ACTR3B: variants seen among roughly 807,000 people sequenced by gnomAD.
ACTR3B encodes the protein actin related protein 3B.
ACTR3B carries 8 observed loss-of-function variants against 59.0 expected under a neutral mutation model. That is an observed-to-expected ratio of 0.14 (90% confidence interval 0.08 to 0.24). ACTR3B has a LOEUF of 0.24. Among genes scored for constraint, ACTR3B ranks in the 10% least tolerant of loss-of-function variants. The pLI, the probability that ACTR3B is intolerant of heterozygous loss-of-function variation, is 1.00. For synonymous variants in ACTR3B, 148 were observed against 197.9 expected (o/e 0.75, Z 2.12); for missense variants, 245 against 552.3 (o/e 0.44, Z 5.58).
intron 9 of ACTR3B, among the ~76,000 whole-genome samples, chr7:152,837,064 T>C (rs10266909): frequency 0.062 from 9,365 of 150,434 alleles, no homozygotes; most frequent in South Asian, 0.15. Context: ...TAGTCTCAGC[T>C]ACTTGGGAGA....
chr7:152,768,406 A>G (rs1464226164), intron 1 of ACTR3B, among the ~76,000 whole-genome samples: 1 of 151,986 alleles, frequency 6.6e-6, no homozygotes, highest in Non-Finnish European at 1.5e-5. Flanking sequence ...TTTTAGTGGG[A>G]TAGTTCTGGT....
intron 1 of ACTR3B, among the ~76,000 whole-genome samples, chr7:152,771,059 G>A (rs2098122774): frequency 6.7e-6 from 1 of 150,364 alleles, no homozygotes; most frequent in Non-Finnish European, 1.5e-5. Context: ...TGCCTCCTGG[G>A]TTTAAGCCAT....
intron 3 of ACTR3B, 33 bp downstream of exon 3, chr7:152,800,688 T>C (rs1264622786): frequency 6.2e-7 from 1 of 1,609,236 alleles, no homozygotes; most frequent in African/African-American, 1.3e-5. Flanking sequence ...CTTCTCTAAG[T>C]GTAGAGTAGT....
At chr7:152,779,220 A>T (rs2098144028) in intron 1 of ACTR3B, among the ~76,000 whole-genome samples, 1 of 152,112 alleles carries the variant, frequency 6.6e-6, no homozygotes, top group Admixed American at 6.5e-5. Flanking sequence ...AAGAACACAG[A>T]TGCCCAGCCT....
intron 9 of ACTR3B, among the ~76,000 whole-genome samples, chr7:152,834,972 G>T (rs754946678): frequency 6.6e-6 from 1 of 152,154 alleles, no homozygotes; most frequent in East Asian, 1.9e-4. Context: ...ACTGCTGACC[G>T]CCAGAACGTC....
At chr7:152,789,084 AAG>A (rs2098185846) in intron 2 of ACTR3B, among the ~76,000 whole-genome samples, 1 of 149,170 alleles carries the variant, frequency 6.7e-6, no homozygotes, top group Admixed American at 6.7e-5. Flanking sequence ...AACAACAACA[AAG>A]CCCTTACACT....
chr7:152,852,311 C>T, intron 10 of ACTR3B, 60 bp downstream of exon 10: 5 of 1,536,356 alleles, frequency 3.3e-6, no homozygotes, highest in Non-Finnish European at 4.4e-6. Context: ...TGACCGGGGC[C>T]CTCCTGACAC....
In ACTR3B at chr7:152,816,519, A is replaced by T; in HGVS notation, c.471A>T (p.Gln157His). Residue 157 changes from glutamine (Q) to histidine (H), a missense_variant, in exon 6 of 12, where the codon CAA becomes CAT. Coordinates refer to ENST00000256001, the MANE Select transcript of ACTR3B (RefSeq NM_020445.6). ...LALAASWTSR[Q>H]VGERTLTGIV... ...TGGCGGCATCTTGGACATCTCGACA[A>T]GTGGGTGAACGTACGTTAACGGGGA... The T allele has an allele frequency of 6.2e-7, 1 of 1,606,706 alleles. No homozygotes were observed. The highest frequency in any genetic ancestry group is 8.5e-7 in the Non-Finnish European group (1 of 1,176,182).
chr7:152,841,939 G>T (rs1449716550), intron 9 of ACTR3B, among the ~76,000 whole-genome samples: 2 of 152,174 alleles, frequency 1.3e-5, no homozygotes, highest in Non-Finnish European at 2.9e-5. Context: ...TAAATGTACG[G>T]TTTGAAAAGA....
At chr7:152,783,945 T>C (rs1452631310) in intron 2 of ACTR3B, among the ~76,000 whole-genome samples, 1 of 151,756 alleles carries the variant, frequency 6.6e-6, no homozygotes, top group Non-Finnish European at 1.5e-5. Context: ...CAAAAATTAG[T>C]TGGGTGTGGT....
intron 9 of ACTR3B, among the ~76,000 whole-genome samples, chr7:152,850,270 G>A (rs530247462): frequency 6.7e-6 from 1 of 150,278 alleles, no homozygotes; most frequent in Non-Finnish European, 1.5e-5. Context: ...GCTTCTCCAG[G>A]TAGAAGTTCA....
At position 152,845,226 on chromosome 7, in the gene ACTR3B, C is replaced by T. The variant is rs1338452268; in HGVS notation, c.952-6900C>T. The stretch of plus-strand genomic sequence containing the variant: ...TACGTTATAACCTGGACTCAGAGCA[C>T]CCCTCAGTTAGTGTTTTCATTTTTT... On this transcript the variant is annotated intron_variant, in intron 9 of 11. Coordinates refer to ENST00000256001, the MANE Select transcript of ACTR3B (RefSeq NM_020445.6). Among the ~76,000 whole-genome samples, 12 of 151,988 alleles carry T rather than the reference C, an allele frequency of 7.9e-5. No individual in the cohort carries two copies. In the South Asian group the frequency reaches 2.1e-3, roughly 26 times the overall value.
At chr7:152,829,503 G>A (rs1337792470) in intron 9 of ACTR3B, among the ~76,000 whole-genome samples, 20 of 151,920 alleles carry the variant, frequency 1.3e-4, no homozygotes, top group Non-Finnish European at 2.6e-4. Context: ...ACGTGTAGAT[G>A]AGAAGGGTAT....
chr7:152,780,014 C>T (rs1233496079), intron 1 of ACTR3B, among the ~76,000 whole-genome samples: 1 of 152,122 alleles, frequency 6.6e-6, no homozygotes, highest in African/African-American at 2.4e-5. Context: ...AAAATAACGT[C>T]AGTTCTGCTA....
Position 152,761,096 on chromosome 7 carries a change from G to C in ACTR3B, c.44+1170G>C, listed in dbSNP as rs145768966. On this transcript the variant is annotated intron_variant, in intron 1 of 11. Transcript: ENST00000256001. ...CTTCCTTTTGCTGCTGAAGCGACCA[G>C]AAGTGGTTGTGGACTGGAAAAATCC... Among the ~76,000 whole-genome samples, 57 of 152,298 alleles carry C rather than the reference G, an allele frequency of 3.7e-4. 1 individual carries two copies. In the East Asian group the frequency reaches 0.011, roughly 28 times the overall value.
intron 9 of ACTR3B, among the ~76,000 whole-genome samples, chr7:152,847,593 T>C (rs889399854): frequency 1.3e-5 from 2 of 152,036 alleles, no homozygotes; most frequent in Non-Finnish European, 2.9e-5. Context: ...GTATATCCAA[T>C]ATACACGGAT....
At position 152,853,496 on chromosome 7, in the gene ACTR3B, G is replaced by A. The variant is rs778214466; in HGVS notation, c.1080G>A (p.Pro360=). The change falls in exon 11 of 12, where the codon CCG becomes CCA. Residue 360 remains proline, a splice_region_variant and synonymous_variant. Coordinates refer to ENST00000256001, the MANE Select transcript of ACTR3B (RefSeq NM_020445.6). Reference sequence around the variant, plus strand: ...GTGAGAGCTGCTTTCTCTTCCAGCCGAAGCCTGTGGAGGTCCAGGTGGTCA... The same window carrying A: ...GTGAGAGCTGCTTTCTCTTCCAGCCAAAGCCTGTGGAGGTCCAGGTGGTCA... ...SEELSGGRIK[P]KPVEVQVVTH... is the part of the protein sequence containing the mutation. The A allele has an allele frequency of 9.3e-6, 15 of 1,613,698 alleles. No individual in the cohort carries two copies. The highest frequency in any genetic ancestry group is 1.6e-4 in the Middle Eastern group (1 of 6,078).
chr7:152,842,685 G>C (rs553752039), intron 9 of ACTR3B, among the ~76,000 whole-genome samples: 1 of 152,296 alleles, frequency 6.6e-6, no homozygotes, highest in East Asian at 1.9e-4. Flanking sequence ...GTCCCCTGCT[G>C]GTGGACATTT....
At position 152,820,737 on chromosome 7, in the gene ACTR3B, C is replaced by CA. The variant is rs1274689799; in HGVS notation, c.684+296dup. Reference sequence around the variant, plus strand: ...GCCTCACTGCTGGAGCCTCATCTACCAGAGGGCTCCTTCCATACTGCCTCC... The same window carrying CA: ...GCCTCACTGCTGGAGCCTCATCTACCAAGAGGGCTCCTTCCATACTGCCTCC... On this transcript the variant is annotated intron_variant, in intron 7 of 11. Coordinates refer to ENST00000256001, the MANE Select transcript of ACTR3B (RefSeq NM_020445.6). 2.6e-5 allele frequency among the ~76,000 whole-genome samples: 4 copies of CA among 152,380 alleles called. No homozygotes were observed. The East Asian group carries it at 7.7e-4, about 29-fold the overall frequency.
Sources: allele counts gnomAD v4.1 joint callset (sites outside exome capture counted in the v4.1 genomes callset), GRCh38; gene constraint gnomAD v4.1.1; transcripts MANE v1.5; gene names NCBI Gene and HGNC (gene_info 2026-07-23, HGNC 2026-07-21).